Variants in KANK4 observed in about 807,000 individuals in gnomAD.
KANK4 encodes the protein KN motif and ankyrin repeat domains 4.
KANK4 carries 50 observed loss-of-function variants against 80.8 expected under a neutral mutation model. The observed-to-expected ratio is 0.62, with a 90% confidence interval of 0.49 to 0.78. The LOEUF (loss-of-function observed/expected upper bound fraction) is 0.78. KANK4 is among the 30% of genes least tolerant of loss of function. The probability of loss-of-function intolerance (pLI) is 0.00; values close to 1 mark genes in which losing one functional copy is unlikely to be tolerated. For missense variants in KANK4, 1,196 were observed against 1,240.1 expected, an observed-to-expected ratio of 0.96 and a Z score of 0.53; for synonymous variants, 465 against 506.9, an observed-to-expected ratio of 0.92 and a Z score of 1.11.
intron 1 of KANK4, among the ~76,000 whole-genome samples, chr1:62,294,873 G>C (rs1370082962): frequency 6.6e-6 from 1 of 152,200 alleles, no homozygotes; most frequent in Non-Finnish European, 1.5e-5. Flanking sequence ...AGTGCACCAG[G>C]AACTTCTCTG....
intron 7 of KANK4, among the ~76,000 whole-genome samples, chr1:62,261,308 G>A (rs949116257): frequency 5.9e-5 from 9 of 151,908 alleles, no homozygotes; most frequent in African/African-American, 1.2e-4. Flanking sequence ...ACAGGCATGC[G>A]TCACTACCAC....
At chr1:62,263,058 G>A in intron 7 of KANK4, 34 bp downstream of exon 7, 8 of 1,517,960 alleles carry the variant, frequency 5.3e-6, no homozygotes, top group Non-Finnish European at 6.4e-6. Flanking sequence ...CTTCAAGGAG[G>A]GACCCAGACT....
At chr1:62,275,845 G>A (rs1672298315) in intron 2 of KANK4, among the ~76,000 whole-genome samples, 2 of 122,296 alleles carry the variant, frequency 1.6e-5, no homozygotes, top group African/African-American at 3.4e-5. Flanking sequence ...AGAGAGAGAG[G>A]GAGGGAGGGA....
chr1:62,301,068 G>A (rs780850420), intron 1 of KANK4, among the ~76,000 whole-genome samples: 1 of 151,804 alleles, frequency 6.6e-6, no homozygotes, highest in Non-Finnish European at 1.5e-5. Flanking sequence ...ACTGAGTTTC[G>A]GCTCCGTGAC....
chr1:62,261,059 C>T (rs1258669703), intron 7 of KANK4, among the ~76,000 whole-genome samples: 1 of 152,076 alleles, frequency 6.6e-6, no homozygotes, highest in African/African-American at 2.4e-5. Context: ...ACATTTGGTC[C>T]TTCTCCTCTT....
Position 62,275,045 on chromosome 1 carries a change from G to A in KANK4, c.59C>T (p.Pro20Leu), listed in dbSNP as rs367566584. 8.1e-6 allele frequency: 13 copies of A among 1,613,690 alleles called. No individual in the cohort carries two copies. Among genetic ancestry groups the A allele is most frequent in the Middle Eastern group, 3.3e-4 (2 of 6,078 alleles). The change falls in exon 3 of 10, where the codon CCG (proline) becomes CTG (leucine). Residue 20 changes from proline to leucine, a missense_variant. Around this residue, in one of 3 missense-constraint regions of KANK4, gnomAD observed 36 missense variants for 34.0 expected, o/e 1.06. Coordinates refer to ENST00000371153, the MANE Select transcript of KANK4 (RefSeq NM_181712.5). ...SSQGDEEKDP[P>L]KSHPYSVETP... Reference sequence around the variant, plus strand: ...CTCCACAGAATAAGGGTGGCTCTTCGGAGGGTCTTTCTCTTCATCCCCCTG... The same window carrying A: ...CTCCACAGAATAAGGGTGGCTCTTCAGAGGGTCTTTCTCTTCATCCCCCTG...
intron 4 of KANK4, among the ~76,000 whole-genome samples, chr1:62,269,374 C>G (rs573368401): frequency 3.0e-4 from 46 of 152,178 alleles, no homozygotes; most frequent in Non-Finnish European, 5.6e-4. Flanking sequence ...CCATTGAACC[C>G]CCTAAGGACC....
At chr1:62,308,315 C>G (rs1290530511) in intron 1 of KANK4, among the ~76,000 whole-genome samples, 1 of 152,176 alleles carries the variant, frequency 6.6e-6, no homozygotes, top group Non-Finnish European at 1.5e-5. Context: ...GCCTAATGAC[C>G]TCCTATTGCC....
rs1038142168 is a variant in KANK4, at chr1:62,310,282, T to C, written c.-71+8824A>G. ...TGTAAGACAAGGGGGACGATCTAGG[T>C]AAGTGGTAAGGTTTCTTCCACCCTC... On this transcript the variant is annotated intron_variant, in intron 1 of 9. Transcript: ENST00000371153. Among the ~76,000 whole-genome samples, 5 of 152,238 alleles carry C rather than the reference T, an allele frequency of 3.3e-5. No homozygotes were observed. The East Asian group carries it at 9.7e-4, about 29-fold the overall frequency.
At chr1:62,275,120 G>C (rs754910886) in intron 2 of KANK4, 33 bp from the exon 3 acceptor site, 17 of 1,432,702 alleles carry the variant, frequency 1.2e-5, no homozygotes, top group Non-Finnish European at 1.6e-5. Flanking sequence ...AAAAAAAAAA[G>C]CACAAATTTA....
At chr1:62,256,187 T>C (rs934145009) in intron 7 of KANK4, among the ~76,000 whole-genome samples, 16 of 152,236 alleles carry the variant, frequency 1.1e-4, no homozygotes, top group African/African-American at 3.9e-4. Flanking sequence ...CTTAGAATCA[T>C]GCCTAGTACA....
chr1:62,313,716 G>A (rs1433457681), intron 1 of KANK4, among the ~76,000 whole-genome samples: 1 of 152,116 alleles, frequency 6.6e-6, no homozygotes, highest in Admixed American at 6.5e-5. Flanking sequence ...AGGGGCAAGG[G>A]GAGGGAGAGC....
chr1:62,300,246 G>C (rs1239524737), intron 1 of KANK4, among the ~76,000 whole-genome samples: 1 of 152,124 alleles, frequency 6.6e-6, no homozygotes, highest in East Asian at 1.9e-4. Context: ...CCAGTAACTT[G>C]AGGAAAGAAG....
At chr1:62,309,220 T>C (rs909341833) in intron 1 of KANK4, among the ~76,000 whole-genome samples, 1 of 152,192 alleles carries the variant, frequency 6.6e-6, no homozygotes, top group Non-Finnish European at 1.5e-5. Flanking sequence ...GACAGAAGGG[T>C]TGACAGAGCT....
chr1:62,279,580 T>C (rs919110260), intron 2 of KANK4, among the ~76,000 whole-genome samples: 6 of 152,238 alleles, frequency 3.9e-5, no homozygotes, highest in Admixed American at 3.9e-4. Flanking sequence ...ATTATTTCAT[T>C]TCCCTCTGCC....
chr1:62,311,974 T>C (rs1644501476), intron 1 of KANK4, among the ~76,000 whole-genome samples: 1 of 152,208 alleles, frequency 6.6e-6, no homozygotes, highest in Non-Finnish European at 1.5e-5. Context: ...GGATAAAGCT[T>C]ACTGACTTCC....
intron 9 of KANK4, among the ~76,000 whole-genome samples, chr1:62,246,643 G>A (rs1001916298): frequency 1.3e-5 from 2 of 152,094 alleles, no homozygotes; most frequent in Admixed American, 1.3e-4. Flanking sequence ...TGTCACCCAG[G>A]CTGGAGTGCA....
intron 5 of KANK4, among the ~76,000 whole-genome samples, chr1:62,267,417 C>T (rs1672048782): frequency 6.6e-6 from 1 of 152,190 alleles, no homozygotes; most frequent in Non-Finnish European, 1.5e-5. Flanking sequence ...GCTCAAACTC[C>T]TAACCTCAAG....
intron 6 of KANK4, among the ~76,000 whole-genome samples, chr1:62,265,503 A>C (rs1318116653): frequency 6.6e-6 from 1 of 152,196 alleles, no homozygotes. Flanking sequence ...TGGCCTCCCA[A>C]AGTACTGGGA....
Sources: gnomAD v4.1 joint callset for allele counts (sites outside exome capture counted in the v4.1 genomes callset) on GRCh38, gnomAD v4.1.1 for gene constraint, gnomAD v4.1.1 regional missense constraint, MANE v1.5 for transcripts, NCBI Gene and HGNC (gene_info 2026-07-23, HGNC 2026-07-21) for gene names.